The following CDH13 variants were observed in gnomAD, a reference collection of about 807,000 sequenced individuals.
The protein encoded by CDH13 is cadherin 13, also known as cadherin-13.
A neutral mutation model predicts 63.8 loss-of-function variants in CDH13; 24 were observed. That is an observed-to-expected ratio of 0.38 (90% CI 0.27 to 0.53). The LOEUF (loss-of-function observed/expected upper bound fraction) is 0.53. Among genes scored for constraint, CDH13 ranks in the 20% least tolerant of loss-of-function variants. CDH13 has a pLI of 0.85. For synonymous variants in CDH13, 503 were observed against 355.3 expected, an observed-to-expected ratio of 1.42 and a Z score of -4.67; for missense variants, 1,049 against 903.1, an observed-to-expected ratio of 1.16 and a Z score of -2.07.
At chr16:82,859,979 C>G (rs537217614) in intron 2 of CDH13, among the ~76,000 whole-genome samples, 11 of 152,190 alleles carry the variant, frequency 7.2e-5, no homozygotes, top group Non-Finnish European at 1.3e-4. Flanking sequence ...CTCATTTGAT[C>G]TCTGAGTGTG....
At chr16:82,700,517 G>C (rs889470734) in intron 1 of CDH13, among the ~76,000 whole-genome samples, 3 of 31,362 alleles carry the variant, frequency 9.6e-5, no homozygotes, top group African/African-American at 2.1e-4. Flanking sequence ...ATTAGGGCTA[G>C]TAAGTGTGTG....
chr16:83,657,991 A>G (rs1395681886), intron 8 of CDH13, among the ~76,000 whole-genome samples: 117 of 136,302 alleles, frequency 8.6e-4, no homozygotes, highest in Non-Finnish European at 1.2e-3. Context: ...CAGGTCCCAT[A>G]TCCTCACCAG....
At chr16:83,136,174 TAA>T (rs11284544) in intron 4 of CDH13, among the ~76,000 whole-genome samples, 7,231 of 139,570 alleles carry the variant, frequency 0.052, 589 homozygotes, top group African/African-American at 0.17. Context: ...CTATAGAAAT[TAA>T]AAAAAAAAAA....
intron 6 of CDH13, among the ~76,000 whole-genome samples, chr16:83,357,294 G>A (rs1242995622): frequency 6.6e-6 from 1 of 152,114 alleles, no homozygotes; most frequent in Non-Finnish European, 1.5e-5. Flanking sequence ...ATAAGCCAGG[G>A]CTAGAGGGGA....
intron 6 of CDH13, among the ~76,000 whole-genome samples, chr16:83,378,326 C>T (rs1045393644): frequency 2.6e-5 from 4 of 152,204 alleles, no homozygotes; most frequent in Non-Finnish European, 5.9e-5. Flanking sequence ...TTCTAGCTCA[C>T]ATGTGGCCTC....
rs551767445 is a variant in CDH13, at chr16:82,776,725, G to C, written c.46-81637G>C. ...CAGATTGAACACTTAGTACTTAATGGGGGAACCACCTTGGAAAAGCAGAAC... is the reference window on the plus strand; with the variant it reads ...CAGATTGAACACTTAGTACTTAATGCGGGAACCACCTTGGAAAAGCAGAAC... On this transcript the variant is annotated intron_variant, in intron 1 of 13. Coordinates refer to ENST00000567109, the MANE Select transcript of CDH13 (RefSeq NM_001257.5). 3.3e-5 allele frequency among the ~76,000 whole-genome samples: 5 copies of C among 152,244 alleles called. No individual in the cohort carries two copies. In the South Asian group the frequency reaches 1.0e-3, roughly 32 times the overall value.
chr16:82,702,954 T>A (rs1176060405), intron 1 of CDH13, among the ~76,000 whole-genome samples: 1 of 152,046 alleles, frequency 6.6e-6, no homozygotes, highest in Non-Finnish European at 1.5e-5. Flanking sequence ...TGCAGGGACC[T>A]TTTTTTAGCT....
At chr16:83,401,760 G>C (rs780584372) in intron 6 of CDH13, among the ~76,000 whole-genome samples, 1 of 152,196 alleles carries the variant, frequency 6.6e-6, no homozygotes. Context: ...CTGTTAAACA[G>C]TTCCCTCAAC....
At chr16:83,483,633 G>T (rs1237457969) in intron 6 of CDH13, among the ~76,000 whole-genome samples, 1 of 152,110 alleles carries the variant, frequency 6.6e-6, no homozygotes, top group Non-Finnish European at 1.5e-5. Context: ...AAGGCCCTGG[G>T]TCAAGTGTAC....
rs74031409 is a variant in CDH13, at chr16:83,158,501, G to C, written c.483+33000G>C. Among the ~76,000 whole-genome samples the C allele has an allele frequency of 3.9e-3, 601 of 152,318 alleles. 7 individuals carry two copies. Among genetic ancestry groups the C allele is most frequent in the African/African-American group, 0.014 (576 of 41,562 alleles). ...TGCCAGGGCTGGCTGTCCCTGTCCA[G>C]CAGGTCACAGACCTCTCCTGGTCTG... is the stretch of plus-strand genomic sequence containing the variant. On this transcript the variant is annotated intron_variant, in intron 4 of 13. Transcript: ENST00000567109.
At chr16:82,778,147 A>G (rs1425284025) in intron 1 of CDH13, among the ~76,000 whole-genome samples, 1 of 152,178 alleles carries the variant, frequency 6.6e-6, no homozygotes, top group African/African-American at 2.4e-5. Context: ...AAGAACCGTG[A>G]TTATTTTAAC....
rs2035764528 is a variant in CDH13 at position 82,781,737 on chromosome 16, C to T, written c.46-76625C>T. Among the ~76,000 whole-genome samples, 2 of 152,328 alleles carry T rather than the reference C, an allele frequency of 1.3e-5. 1 individual carries two copies. The highest frequency in any genetic ancestry group is 4.1e-4 in the South Asian group (2 of 4,830). On this transcript the variant is annotated intron_variant, in intron 1 of 13. Transcript: ENST00000567109. ...ATAGCCTTGTATCCATCCACGTAAC[C>T]ACTCATCCTTAAACAAAAATCAGTT... is the stretch of plus-strand genomic sequence containing the variant.
intron 1 of CDH13, among the ~76,000 whole-genome samples, chr16:82,770,020 C>T (rs1276253766): frequency 6.6e-6 from 1 of 152,170 alleles, no homozygotes; most frequent in South Asian, 2.1e-4. Flanking sequence ...TGTACCGTAC[C>T]ACCCAGCTGC....
intron 10 of CDH13, among the ~76,000 whole-genome samples, chr16:83,707,457 A>G (rs1211206332): frequency 1.3e-5 from 2 of 152,166 alleles, no homozygotes; most frequent in African/African-American, 4.8e-5. Flanking sequence ...ACTGTCATTC[A>G]CTGAATGCTT....
chr16:83,171,546 C>A, intron 4 of CDH13: 11 of 1,534,484 alleles, frequency 7.2e-6, no homozygotes, highest in Non-Finnish European at 9.6e-6. Flanking sequence ...AGTTCTGTGC[C>A]TAGCACGATG....
intron 4 of CDH13, among the ~76,000 whole-genome samples, chr16:83,160,727 G>T (rs2037411392): frequency 2.0e-5 from 3 of 152,164 alleles, no homozygotes; most frequent in Admixed American, 2.0e-4. Flanking sequence ...AAAAATCTCT[G>T]ATCTGTTGGT....
intron 1 of CDH13, among the ~76,000 whole-genome samples, chr16:82,730,277 A>G (rs773936869): frequency 1.3e-5 from 2 of 152,176 alleles, no homozygotes; most frequent in Non-Finnish European, 2.9e-5. Flanking sequence ...AAGCTTAATC[A>G]TTCTAGCTTT....
At chr16:82,672,542 C>T (rs1217236233) in intron 1 of CDH13, among the ~76,000 whole-genome samples, 1 of 151,942 alleles carries the variant, frequency 6.6e-6, no homozygotes, top group Non-Finnish European at 1.5e-5. Flanking sequence ...ATTCTTGGCT[C>T]TTCCCTCCAC....
At chr16:83,497,189 C>T (rs1300967301) in intron 7 of CDH13, among the ~76,000 whole-genome samples, 2 of 152,074 alleles carry the variant, frequency 1.3e-5, no homozygotes, top group African/African-American at 2.4e-5. Context: ...ATAAATCATG[C>T]TGCTATAAAG....
Sources: gnomAD v4.1 joint callset for allele counts (sites outside exome capture counted in the v4.1 genomes callset) on GRCh38, gnomAD v4.1.1 for gene constraint, MANE v1.5 for transcripts, NCBI Gene and HGNC (gene_info 2026-07-23, HGNC 2026-07-21) for gene names.